CLCN1: variants seen among roughly 807,000 people sequenced by gnomAD.
CLCN1 encodes the protein chloride voltage-gated channel 1.
In CLCN1, 100 loss-of-function variants were observed where a neutral mutation model predicts 114.5. The ratio of observed to expected loss-of-function variants is 0.87; its 90% CI spans 0.74 to 1.03. The LOEUF (loss-of-function observed/expected upper bound fraction) is 1.03, where lower values mean the gene tolerates loss of function less well. CLCN1 is among the 50% of genes least tolerant of loss of function. CLCN1 has a pLI of 0.00. For synonymous variants in CLCN1, 485 were observed against 487.1 expected, an observed-to-expected ratio of 1.00 and a Z score of 0.06; for missense variants, 1,188 against 1,250.0, an observed-to-expected ratio of 0.95 and a Z score of 0.75.
intron 10 of CLCN1, among the ~76,000 whole-genome samples, chr7:143,332,056 T>G (rs1802737895): frequency 6.6e-6 from 1 of 152,160 alleles, no homozygotes; most frequent in Non-Finnish European, 1.5e-5. Context: ...CTCGAACTTG[T>G]GACCTCAGGG....
At chr7:143,342,752 T>G (rs932291795) in intron 16 of CLCN1, among the ~76,000 whole-genome samples, 2 of 152,144 alleles carry the variant, frequency 1.3e-5, no homozygotes, top group African/African-American at 2.4e-5. Context: ...GCAGATCACC[T>G]GAGGTCAGGA....
In CLCN1 at chr7:143,321,513, C is replaced by T. The variant is rs1802433315; in HGVS notation, c.562+20C>T. On this transcript the variant is annotated intron_variant, in intron 4 of 22. Transcript: ENST00000343257. The surrounding 1 kb of genome is among the most constrained non-coding windows in gnomAD (Gnocchi z 4.2). ...CTGTTGGTGAGAACTTGCCACCAGA[C>T]TCGGCCTGAGCTGGGTGGCCTGAGA... 6.2e-7 allele frequency: 1 copy of T among 1,613,908 alleles called. No individual in the cohort carries two copies.
intron 1 of CLCN1, among the ~76,000 whole-genome samples, chr7:143,316,729 G>A (rs746191146): frequency 1.3e-5 from 2 of 152,188 alleles, no homozygotes; most frequent in South Asian, 4.1e-4. Context: ...ACTGCAGTGT[G>A]CTGGGAGCTG....
intron 1 of CLCN1, among the ~76,000 whole-genome samples, chr7:143,317,472 T>C (rs1802318422): frequency 6.6e-6 from 1 of 152,124 alleles, no homozygotes; most frequent in South Asian, 2.1e-4. Flanking sequence ...TGTCTCGAAC[T>C]CCTGACCTCA....
intron 19 of CLCN1, 68 bp from the exon 20 acceptor site, chr7:143,346,843 T>C: frequency 6.8e-7 from 1 of 1,477,046 alleles, no homozygotes; most frequent in Admixed American, 1.7e-5. Context: ...GGCTATTGTT[T>C]CATTGGGAGC....
In CLCN1 at chr7:143,332,428, G is replaced by A. The variant is rs199898178; in HGVS notation, c.1176G>A (p.Leu392=). The change falls in exon 11 of 23, where the codon CTG becomes CTA. Residue 392 remains leucine (L), a synonymous_variant. Transcript: ENST00000343257. The part of the protein sequence containing the change: ...LSQFLAKHRL[L]YPGIVTFVIA... ...TCTGTTTCTTTTTCAGCCGCCTGCT[G>A]TATCCTGGAATTGTTACCTTTGTCA... The A allele has an allele frequency of 8.1e-6, 13 of 1,613,914 alleles. No homozygotes were observed. The highest frequency in any genetic ancestry group is 8.5e-7 in the Non-Finnish European group (1 of 1,179,814).
chr7:143,316,189 G>A lies in CLCN1; in HGVS notation c.-24G>A. Reference sequence around the variant, plus strand: ...GACAGGGGCAAGCAGGCCAAGGCCTGGCCGGGGCTCGGGGGGAGGGAATAT... The same window carrying A: ...GACAGGGGCAAGCAGGCCAAGGCCTAGCCGGGGCTCGGGGGGAGGGAATAT... On this transcript the variant is annotated 5_prime_UTR_variant, in exon 1 of 23. Coordinates refer to ENST00000343257, the MANE Select transcript of CLCN1 (RefSeq NM_000083.3). 6.2e-7 allele frequency: 1 copy of A among 1,602,886 alleles called. No individual in the cohort carries two copies. The highest frequency in any genetic ancestry group is 8.5e-7 in the Non-Finnish European group (1 of 1,172,230).
At chr7:143,328,055 A>G (rs182665849) in intron 7 of CLCN1, among the ~76,000 whole-genome samples, 3 of 152,312 alleles carry the variant, frequency 2.0e-5, no homozygotes, top group Admixed American at 6.5e-5. Flanking sequence ...GTTAGTAACC[A>G]AGACTGGGTA....
At position 143,350,330 on chromosome 7, in the gene CLCN1, G is replaced by A. The variant is rs930617373; in HGVS notation, c.2404-42G>A. ...CAAAATCAGGTATCTGGGGTGAAAGGAGGCTCTGTGATTTTCGTGACTTTC... is the reference window on the plus strand; with the variant it reads ...CAAAATCAGGTATCTGGGGTGAAAGAAGGCTCTGTGATTTTCGTGACTTTC... On this transcript the variant is annotated intron_variant, in intron 20 of 22. Transcript: ENST00000343257. This position sits in a 1 kb window ranked among gnomAD's most constrained non-coding sequence, Gnocchi z 5.1. The A allele has an allele frequency of 6.6e-7, 1 of 1,525,134 alleles. No homozygotes were observed. The highest frequency in any genetic ancestry group is 1.7e-5 in the Admixed American group (1 of 58,216). The allele number at this position is 1,525,134 out of a possible 1,614,324, so 94.5% of individuals were successfully genotyped here. A position where few individuals can be genotyped will look rare whatever the true frequency, so the allele number is the denominator to read the frequency against.
At position 143,321,807 on chromosome 7, in the gene CLCN1, C is replaced by T. The variant is rs1427322271; in HGVS notation, c.655C>T (p.Leu219=). The T allele has an allele frequency of 3.7e-6, 6 of 1,614,106 alleles. No homozygotes were observed. In the African/African-American group the frequency reaches 8.0e-5, roughly 22 times the overall value. ...MKAFVAKVVA[L]TAGLGSGIPV... ...AGCCTTTGTGGCCAAGGTTGTCGCC[C>T]TGACTGCGGGCCTGGGCAGTGGCAT... The change falls in exon 5 of 23, where the codon CTG becomes TTG. Residue 219 remains leucine, a synonymous_variant. Transcript: ENST00000343257. This position sits in a 1 kb window ranked among gnomAD's most constrained non-coding sequence, Gnocchi z 4.2.
chr7:143,346,392 T>C (rs1803248332), intron 18 of CLCN1, 141 bp downstream of exon 18: 1 of 748,650 alleles, frequency 1.3e-6, no homozygotes, highest in Non-Finnish European at 2.3e-6. Flanking sequence ...GACAGGGTTC[T>C]TATTCATCAA....
Position 143,341,971 on chromosome 7 carries a change from C to T in CLCN1, c.1625C>T (p.Thr542Ile). ...GGTGCCGTTTCCCACACAGTCTCCA[C>T]AGCTGTGATTTGCTTCGAATTAACG... ...LTGAVSHTVS[T>I]AVICFELTGQ... Residue 542 changes from threonine (T) to isoleucine (I), a missense_variant, in exon 15 of 23, where the codon ACA (threonine) becomes ATA (isoleucine). Coordinates refer to ENST00000343257, the MANE Select transcript of CLCN1 (RefSeq NM_000083.3). The T allele has an allele frequency of 6.2e-7, 1 of 1,614,144 alleles. No homozygotes were observed.
chr7:143,342,404 T>C lies in CLCN1; in HGVS notation c.1829T>C (p.Val610Ala), dbSNP rs752632796. 3.7e-6 allele frequency: 6 copies of C among 1,613,942 alleles called. No homozygotes were observed. In the African/African-American group the frequency reaches 4.0e-5, roughly 11 times the overall value. The change falls in exon 16 of 23, where the codon GTA (valine) becomes GCA (alanine). Residue 610 changes from valine (V) to alanine (A), a missense_variant. Transcript: ENST00000343257. ...KYTIFVEDIM[V>A]RDVKFVSASY... ...ACCATCTTTGTTGAGGACATCATGG[T>C]ACGTGATGTGAAGTTTGTTTCAGCT...
rs1297302659 is a variant in CLCN1 at position 143,319,775 on chromosome 7, A to C, written c.201A>C (p.Glu67Asp). Residue 67 changes from glutamate to aspartate, a missense_variant, in exon 2 of 23, where the codon GAA (glutamate) becomes GAC (aspartate). By Grantham distance (45) the Glu-to-Asp change is conservative. Transcript: ENST00000343257. ...HPTQIYGHHK[E>D]QFSDREQDIG... is the part of the protein sequence containing the mutation. ...TCCAGATTTATGGCCATCACAAAGA[A>C]CAATTCTCAGACAGGGAGCAGGACA... is the stretch of plus-strand genomic sequence containing the variant. 6.2e-7 allele frequency: 1 copy of C among 1,613,980 alleles called. No individual in the cohort carries two copies. The highest frequency in any genetic ancestry group is 8.5e-7 in the Non-Finnish European group (1 of 1,179,856).
rs59572880 is a variant in CLCN1 at position 143,320,553 on chromosome 7, TTCTCTC to T, written c.302-83_302-78del. 2,724 of 673,216 alleles carry T rather than the reference TTCTCTC, an allele frequency of 4.0e-3. 3 individuals carry two copies. Among genetic ancestry groups the T allele is most frequent in the Middle Eastern group, 5.9e-3 (12 of 2,032 alleles). 41.7% of individuals were successfully genotyped at this position (673,216 alleles called of 1,614,324 possible). ...TAAAGTAGTGACTCGTTAGCTGCTT[TTCTCTC>T]TCTCTCTCTCTCTCTCTCTCTCTCT... On this transcript the variant is annotated intron_variant, in intron 2 of 22. Coordinates refer to ENST00000343257, the MANE Select transcript of CLCN1 (RefSeq NM_000083.3).
chr7:143,318,827 C>G (rs899793512), intron 1 of CLCN1, among the ~76,000 whole-genome samples: 1 of 152,176 alleles, frequency 6.6e-6, no homozygotes, highest in African/African-American at 2.4e-5. Flanking sequence ...CGGTCACTGA[C>G]CCAGAAGACA....
intron 7 of CLCN1, among the ~76,000 whole-genome samples, chr7:143,326,063 C>G (rs1802567365): frequency 6.6e-6 from 1 of 152,072 alleles, no homozygotes. Flanking sequence ...GTCACCCAGG[C>G]TGGAGTGCAG....
chr7:143,337,207 A>G (rs1453616136), intron 12 of CLCN1, among the ~76,000 whole-genome samples: 1 of 152,172 alleles, frequency 6.6e-6, no homozygotes, highest in African/African-American at 2.4e-5. Flanking sequence ...TGTTCAGCCC[A>G]TCTTCGTTCT....
intron 7 of CLCN1, among the ~76,000 whole-genome samples, chr7:143,327,718 A>C (rs1040361346): frequency 6.6e-6 from 1 of 152,056 alleles, no homozygotes; most frequent in Admixed American, 6.6e-5. Context: ...GCAGTGGCGC[A>C]ATTTTGGCTC....
Sources: allele counts gnomAD v4.1 joint callset (sites outside exome capture counted in the v4.1 genomes callset), GRCh38; gene constraint gnomAD v4.1.1; non-coding constraint Gnocchi (gnomAD v3.1); transcripts MANE v1.5; gene names NCBI Gene and HGNC (gene_info 2026-07-23, HGNC 2026-07-21).